The following SRP72 variants were observed in gnomAD, a reference collection of about 807,000 sequenced individuals.
The protein encoded by SRP72 is signal recognition particle subunit SRP72.
Under a neutral mutation model 96.3 loss-of-function variants are expected in SRP72, and 49 were observed. The ratio of observed to expected loss-of-function variants is 0.51; its 90% CI spans 0.40 to 0.65. SRP72 has a LOEUF of 0.65. SRP72 is among the 30% of genes least tolerant of loss of function. The pLI is 0.00. For missense variants in SRP72, 736 were observed against 793.3 expected, an observed-to-expected ratio of 0.93 and a Z score of 0.87; for synonymous variants, 267 against 275.2, an observed-to-expected ratio of 0.97 and a Z score of 0.30.
At chr4:56,479,401 A>G (rs984781659) in intron 8 of SRP72, among the ~76,000 whole-genome samples, 7 of 151,508 alleles carry the variant, frequency 4.6e-5, no homozygotes, top group African/African-American at 1.7e-4. Context: ...GGATGTTCTC[A>G]TTCTCCCGAC....
Position 56,501,736 on chromosome 4 carries a change from G to T in SRP72, c.1891G>T (p.Ala631Ser). The change falls in exon 19 of 19, where the codon GCT (alanine) becomes TCT (serine). Residue 631 changes from alanine (A) to serine (S), a missense_variant. By Grantham distance (99) the Ala-to-Ser change is moderately conservative. Around this residue, in one of 3 missense-constraint regions of SRP72, gnomAD observed 388 missense variants for 431.8 expected, o/e 0.90. Transcript: ENST00000642900. ...SPPTSPRPGS[A>S]ATVSASTSNI... ...ACCCACCTCCCCAAGACCTGGCAGT[G>T]CTGCAACAGTATCTGCCTCTACAAG... is the stretch of plus-strand genomic sequence containing the variant. 6.2e-7 allele frequency: 1 copy of T among 1,614,104 alleles called. No individual in the cohort carries two copies. Among genetic ancestry groups the T allele is most frequent in the South Asian group, 1.1e-5 (1 of 91,078 alleles).
chr4:56,487,731 A>G (rs1720768047), intron 11 of SRP72, among the ~76,000 whole-genome samples: 1 of 152,192 alleles, frequency 6.6e-6, no homozygotes, highest in Admixed American at 6.5e-5. Flanking sequence ...GAGCTTAAGC[A>G]AGGTATATTA....
At chr4:56,480,406 C>A (rs980370119) in intron 8 of SRP72, among the ~76,000 whole-genome samples, 1 of 152,076 alleles carries the variant, frequency 6.6e-6, no homozygotes, top group Admixed American at 6.6e-5. Context: ...ACTACAGTCA[C>A]GTGCCACCAC....
rs1315829715 is a variant in SRP72 at position 56,503,325 on chromosome 4, C to T, written c.*1464C>T. Reference sequence around the variant, plus strand: ...ATTTATTCCTTCTGAATATATACCCCATTATAGGAATAACTGTTACTTATT... The same window carrying T: ...ATTTATTCCTTCTGAATATATACCCTATTATAGGAATAACTGTTACTTATT... On this transcript the variant is annotated 3_prime_UTR_variant, in exon 19 of 19. Transcript: ENST00000642900. The T allele has an allele frequency of 1.3e-5, 2 of 151,964 alleles. No homozygotes were observed. Among genetic ancestry groups the T allele is most frequent in the African/African-American group, 4.8e-5 (2 of 41,366 alleles). The allele number at this position is 151,964 out of a possible 1,614,324, so 9.4% of individuals were successfully genotyped here. A position where few individuals can be genotyped will look rare whatever the true frequency, so the allele number is the denominator to read the frequency against.
chr4:56,488,319 A>T (rs927263710), intron 12 of SRP72, among the ~76,000 whole-genome samples: 4 of 152,214 alleles, frequency 2.6e-5, no homozygotes, highest in African/African-American at 9.6e-5. Flanking sequence ...ATTTCTTTAA[A>T]TTAGAACAAT....
At position 56,500,562 on chromosome 4, in the gene SRP72, A is replaced by G. The variant is rs1484923922; in HGVS notation, c.1705A>G (p.Lys569Glu). 1.9e-6 allele frequency: 3 copies of G among 1,613,794 alleles called. No individual in the cohort carries two copies. The highest frequency in any genetic ancestry group is 2.5e-6 in the Non-Finnish European group (3 of 1,179,798). Residue 569 changes from lysine (K) to glutamate (E), a missense_variant, in exon 18 of 19, where the codon AAA (lysine) becomes GAA (glutamate). Lys to Glu is a moderately conservative substitution (Grantham distance 56). Transcript: ENST00000642900. ...AAAATTGCCTAAGAATTATGACCCAAAAGTTACCCCAGATCCAGAAAGATG... is the reference window on the plus strand; with the variant it reads ...AAAATTGCCTAAGAATTATGACCCAGAAGTTACCCCAGATCCAGAAAGATG... ...KGKLPKNYDPKVTPDPERWLP... is the reference protein window; with the variant it reads ...KGKLPKNYDPEVTPDPERWLP...
intron 8 of SRP72, among the ~76,000 whole-genome samples, chr4:56,481,694 C>A (rs1720492433): frequency 6.6e-6 from 1 of 150,680 alleles, no homozygotes; most frequent in African/African-American, 2.4e-5. Flanking sequence ...TTGTGCTTTA[C>A]TTTATTACAC....
chr4:56,478,737 G>T, intron 8 of SRP72, 88 bp downstream of exon 8: 1 of 1,357,988 alleles, frequency 7.4e-7, no homozygotes, highest in Non-Finnish European at 1.0e-6. Context: ...TAGCCTAAGT[G>T]TTCTTTTTAA....
chr4:56,486,483 T>G lies in SRP72; in HGVS notation c.1159+86T>G, dbSNP rs528670925. ...CAGTTGTGAACTATGTGATTTTAAGTTTTTTTGTGTAATAGTAAAGCATAA... is the reference window on the plus strand; with the variant it reads ...CAGTTGTGAACTATGTGATTTTAAGGTTTTTTGTGTAATAGTAAAGCATAA... On this transcript the variant is annotated intron_variant, in intron 11 of 18. Transcript: ENST00000642900. 12 of 1,105,792 alleles carry G rather than the reference T, an allele frequency of 1.1e-5. No homozygotes were observed. In the East Asian group the frequency reaches 3.2e-4, roughly 30 times the overall value. 68.5% of individuals were successfully genotyped at this position (1,105,792 alleles called of 1,614,324 possible). A position where few individuals can be genotyped will look rare whatever the true frequency, so the allele number is the denominator to read the frequency against.
chr4:56,486,183 C>T (rs762579472), intron 10 of SRP72, 142 bp from the exon 11 acceptor site: 1 of 573,384 alleles, frequency 1.7e-6, no homozygotes, highest in Admixed American at 3.6e-5. Context: ...AAAATTTCCC[C>T]AAGTTAAGAT....
At chr4:56,486,204 A>T in intron 10 of SRP72, 121 bp from the exon 11 acceptor site, 1 of 663,346 alleles carries the variant, frequency 1.5e-6, no homozygotes, top group South Asian at 3.4e-5. Flanking sequence ...TTTGACCTGC[A>T]GCCAGAAGTT....
chr4:56,471,160 A>G (rs994395053), intron 2 of SRP72, among the ~76,000 whole-genome samples: 11 of 152,194 alleles, frequency 7.2e-5, no homozygotes, highest in Admixed American at 3.3e-4. Context: ...GCTTTGATAA[A>G]TATTTTTCCT....
rs1720336111 is a variant in SRP72, at chr4:56,478,447, G to C, written c.711G>C (p.Gln237His). Residue 237 changes from glutamine (Q) to histidine (H), a missense_variant, in exon 7 of 19, where the codon CAG becomes CAC. Around this residue, in one of 3 missense-constraint regions of SRP72, gnomAD observed 329 missense variants for 319.0 expected, o/e 1.03. Transcript: ENST00000642900. ...ATGGTCAGATGGCTTATATTCTGCA[G>C]CTTCAGGGTCGAACAGAGGAGGCTT... ...IIHGQMAYIL[Q>H]LQGRTEEALQ... 1 of 1,613,812 alleles carries C rather than the reference G, an allele frequency of 6.2e-7. No individual in the cohort carries two copies. The highest frequency in any genetic ancestry group is 1.1e-5 in the South Asian group (1 of 91,068).
In SRP72 at chr4:56,491,402, T is replaced by C. The variant is rs1187446963; in HGVS notation, c.1503-29T>C. On this transcript the variant is annotated intron_variant, in intron 15 of 18. Coordinates refer to ENST00000642900, the MANE Select transcript of SRP72 (RefSeq NM_006947.4). ...TATAAATGTGTGTGTTTGTGTATAT[T>C]ATGTTCCTGAACTCCTGTTCTATCA... 2.5e-6 allele frequency: 4 copies of C among 1,608,294 alleles called. No homozygotes were observed. In the African/African-American group the frequency reaches 5.3e-5, roughly 21 times the overall value.
In SRP72 at chr4:56,467,750, TG is replaced by T; in HGVS notation, c.109+7del. 6.9e-7 allele frequency: 1 copy of T among 1,450,588 alleles called. No individual in the cohort carries two copies. 89.9% of individuals were successfully genotyped at this position (1,450,588 alleles called of 1,614,324 possible). A position where few individuals can be genotyped will look rare whatever the true frequency, so the allele number is the denominator to read the frequency against. ...TCTCAAGACCGTCAATAAGAGTAAG[TG>T]TCGGGGTGGGCACTGGGGCGGGCCC... On this transcript the variant is annotated splice_region_variant and intron_variant, in intron 1 of 18. Transcript: ENST00000642900.
At chr4:56,478,763 C>A (rs1195752177) in intron 8 of SRP72, 114 bp downstream of exon 8, 6 of 1,004,090 alleles carry the variant, frequency 6.0e-6, no homozygotes, top group Non-Finnish European at 8.7e-6. Context: ...TGAAAAAAGT[C>A]CAGTTGTAGC....
In SRP72 at chr4:56,491,419, G is replaced by A. The variant is rs1560686340; in HGVS notation, c.1503-12G>A. On this transcript the variant is annotated splice_polypyrimidine_tract_variant and intron_variant, in intron 15 of 18. Transcript: ENST00000642900. ...GTGTATATTATGTTCCTGAACTCCT[G>A]TTCTATCACAGTCTTAGTAAACACT... 1 of 1,612,026 alleles carries A rather than the reference G, an allele frequency of 6.2e-7. No homozygotes were observed.
intron 12 of SRP72, 147 bp from the exon 13 acceptor site, chr4:56,489,241 T>C (rs1720824153): frequency 2.3e-6 from 1 of 430,358 alleles, no homozygotes; most frequent in Non-Finnish European, 4.2e-6. Context: ...TAAAGTTAAC[T>C]ATGTTCTCTA....
At chr4:56,467,853 C>G in intron 1 of SRP72, 109 bp downstream of exon 1, 3 of 1,065,008 alleles carry the variant, frequency 2.8e-6, no homozygotes, top group Non-Finnish European at 3.8e-6. Context: ...GGGAGACCCC[C>G]GAAACCCCCC....
Sources: gnomAD v4.1 joint callset for allele counts (sites outside exome capture counted in the v4.1 genomes callset) on GRCh38, gnomAD v4.1.1 for gene constraint, gnomAD v4.1.1 regional missense constraint, MANE v1.5 for transcripts, NCBI Gene and HGNC (gene_info 2026-07-23, HGNC 2026-07-21) for gene names.